PDXDC1: variants seen among roughly 807,000 people sequenced by gnomAD.
PDXDC1 encodes the protein pyridoxal-dependent decarboxylase domain-containing protein 1.
In PDXDC1, 42 loss-of-function variants were observed where a neutral mutation model predicts 100.1. The observed-to-expected ratio is 0.42, with a 90% CI of 0.33 to 0.54. The LOEUF (loss-of-function observed/expected upper bound fraction) is 0.54, where lower values mean the gene tolerates loss of function less well. Ranked by LOEUF, PDXDC1 falls within the 20% of genes least tolerant of loss-of-function variation. The probability of loss-of-function intolerance (pLI) is 0.10; values close to 1 mark genes in which losing one functional copy is unlikely to be tolerated. For missense variants in PDXDC1, 636 were observed against 979.2 expected (o/e 0.65, Z 4.68); for synonymous variants, 260 against 371.7 (o/e 0.70, Z 3.46).
intron 12 of PDXDC1, among the ~76,000 whole-genome samples, chr16:15,019,296 TTGAC>T (rs2042007499): frequency 6.6e-6 from 1 of 152,276 alleles, no homozygotes; most frequent in African/African-American, 2.4e-5. Flanking sequence ...TTCCCCTTGA[TTGAC>T]TGACTACGGT....
At chr16:15,124,473 C>CAAA (rs1227089980) in intron 16 of PDXDC1, among the ~76,000 whole-genome samples, 1 of 151,920 alleles carries the variant, frequency 6.6e-6, no homozygotes, top group African/African-American at 2.4e-5. Context: ...AAGAAACAAG[C>CAAA]AAAACAAAAA....
rs139773894 is a variant in PDXDC1, at chr16:15,056,017, C to G, written c.1399+25961C>G. The G allele has an allele frequency of 1.6e-3, 1,614 of 1,030,718 alleles. 2 individuals carry two copies. Among genetic ancestry groups the G allele is most frequent in the Non-Finnish European group, 1.7e-3 (1,397 of 822,650 alleles). The allele number at this position is 1,030,718 out of a possible 1,614,324, so 63.8% of individuals were successfully genotyped here. On this transcript the variant is annotated intron_variant, in intron 16 of 16. Coordinates refer to the PDXDC1 transcript ENST00000535621. ...CAGGCCCAGGGAGGCGGCGGCCCCC[C>G]GCTTTGCAGCCCCGGGCCGCCCGCC...
At chr16:15,048,054 G>GTCCC (rs1413745029) in intron 16 of PDXDC1, 3 of 1,613,366 alleles carry the variant, frequency 1.9e-6, no homozygotes, top group Non-Finnish European at 1.7e-6. Flanking sequence ...AGGCCCTGGG[G>GTCCC]TCCCACTTGT....
chr16:15,067,816 G>A (rs1388817870), intron 16 of PDXDC1, among the ~76,000 whole-genome samples: 7 of 152,100 alleles, frequency 4.6e-5, no homozygotes, highest in South Asian at 4.1e-4. Flanking sequence ...GGAGTGCAGT[G>A]GTACAATCAG....
At chr16:15,068,619 G>A (rs190234506) in intron 16 of PDXDC1, among the ~76,000 whole-genome samples, 4 of 152,312 alleles carry the variant, frequency 2.6e-5, no homozygotes, top group Non-Finnish European at 5.9e-5. Flanking sequence ...TTTGGTTTCA[G>A]CTAACAATCA....
chr16:15,106,231 C>T, intron 16 of PDXDC1: 2 of 819,780 alleles, frequency 2.4e-6, no homozygotes, highest in Non-Finnish European at 3.7e-6. Context: ...ACTGAACTAT[C>T]CTGCAACTGC....
intron 8 of PDXDC1, among the ~76,000 whole-genome samples, chr16:15,014,569 G>C (rs1232528365): frequency 6.6e-6 from 1 of 152,284 alleles, no homozygotes; most frequent in African/African-American, 2.4e-5. Flanking sequence ...AAATGTGTCT[G>C]TTAAGATTTT....
intron 1 of PDXDC1, among the ~76,000 whole-genome samples, chr16:14,979,615 T>C (rs1253849396): frequency 6.6e-6 from 1 of 152,294 alleles, no homozygotes; most frequent in Non-Finnish European, 1.5e-5. Flanking sequence ...CTAATTCTCA[T>C]CTCTGAAAGA....
At chr16:15,112,270 G>C (rs1169840419) in intron 16 of PDXDC1, among the ~76,000 whole-genome samples, 3 of 148,472 alleles carry the variant, frequency 2.0e-5, no homozygotes, top group African/African-American at 7.3e-5. Flanking sequence ...CCATGCTGAA[G>C]TGCAGTGGCG....
chr16:15,089,660 G>A (rs147836252), intron 16 of PDXDC1, among the ~76,000 whole-genome samples: 13 of 151,542 alleles, frequency 8.6e-5, no homozygotes, highest in South Asian at 8.3e-4. Flanking sequence ...ATTAGCTGGC[G>A]GTGGTGGCGG....
rs547523775 is a variant in PDXDC1 at position 15,093,113 on chromosome 16, T to C, written c.1400-45766T>C. Reference sequence around the variant, plus strand: ...TCCATCTCCCGGGTTCAAGCAATTATCCTGCCTCAGCCTCCTGAGTAGCTG... The same window carrying C: ...TCCATCTCCCGGGTTCAAGCAATTACCCTGCCTCAGCCTCCTGAGTAGCTG... On this transcript the variant is annotated intron_variant, in intron 16 of 16. Coordinates refer to the PDXDC1 transcript ENST00000535621. Among the ~76,000 whole-genome samples the C allele has an allele frequency of 1.1e-4, 16 of 152,218 alleles. No homozygotes were observed. The South Asian group carries it at 2.7e-3, about 26-fold the overall frequency.
chr16:14,988,622 A>G lies in PDXDC1; in HGVS notation c.22-9131A>G. On this transcript the variant is annotated intron_variant, in intron 1 of 22. Coordinates refer to ENST00000396410, the MANE Select transcript of PDXDC1 (RefSeq NM_015027.4). ...AGGCATAGATCTTGACAGGCTGGCC[A>G]CGGGACTCCACGGACTCGTGTAGGT... The G allele has an allele frequency of 1.9e-6, 3 of 1,613,828 alleles. No individual in the cohort carries two copies. In the East Asian group the frequency reaches 6.7e-5, roughly 36 times the overall value.
At chr16:15,046,894 G>A (rs1398951846) in intron 16 of PDXDC1, among the ~76,000 whole-genome samples, 1 of 151,526 alleles carries the variant, frequency 6.6e-6, no homozygotes, top group East Asian at 1.9e-4. Context: ...AAGAGAACAA[G>A]AAAAAAAACT....
downstream of PDXDC1, among the ~76,000 whole-genome samples, chr16:15,141,127 C>G (rs1360350082): frequency 7.3e-6 from 1 of 136,268 alleles, no homozygotes; most frequent in Admixed American, 7.4e-5. Context: ...CCAGCCCCTG[C>G]CGGCCTCCAG....
chr16:15,038,473 A>C, downstream of PDXDC1: 1 of 714,658 alleles, frequency 1.4e-6, no homozygotes, highest in Non-Finnish European at 2.4e-6. Flanking sequence ...ACTACCCGCC[A>C]AAGGGAAAGC....
rs2044480349 is a variant in PDXDC1, at chr16:15,055,654, CCT to C, written c.1399+25603_1399+25604del. The C allele has an allele frequency of 2.3e-5, 8 of 353,752 alleles. No homozygotes were observed. The Admixed American group carries it at 3.3e-4, about 15-fold the overall frequency. The allele number at this position is 353,752 out of a possible 1,614,324, so 21.9% of individuals were successfully genotyped here. On this transcript the variant is annotated intron_variant, in intron 16 of 16. Coordinates refer to the PDXDC1 transcript ENST00000535621. ...GTGCGACCTTGGGCAAGTCACCTAA[CCT>C]CTCTGGGCCCCCGTCCCCTCCCTTG...
chr16:15,040,757 C>T (rs1187069732), downstream of PDXDC1, among the ~76,000 whole-genome samples: 1 of 152,128 alleles, frequency 6.6e-6, no homozygotes, highest in African/African-American at 2.4e-5. Flanking sequence ...GCCTGGGGTG[C>T]TGGGGGGAGA....
intron 16 of PDXDC1, among the ~76,000 whole-genome samples, chr16:15,126,415 C>CT (rs2047730677): frequency 8.7e-6 from 1 of 114,766 alleles, no homozygotes; most frequent in Non-Finnish European, 1.9e-5. Flanking sequence ...GGAGCAACCC[C>CT]TCCTGGTCGC....
At chr16:15,056,339 CGGGCGAGTTCCTG>C (rs1340204301) in intron 16 of PDXDC1, among the ~76,000 whole-genome samples, 2 of 152,228 alleles carry the variant, frequency 1.3e-5, no homozygotes, top group East Asian at 3.9e-4. Context: ...AGAGAGCCTC[CGGGCGAGTTCCTG>C]GGGCGGGTTC....
Sources: allele counts gnomAD v4.1 joint callset (sites outside exome capture counted in the v4.1 genomes callset), GRCh38; gene constraint gnomAD v4.1.1; transcripts MANE v1.5; gene names NCBI Gene and HGNC (gene_info 2026-07-23, HGNC 2026-07-21).